MTUS2: variants seen among roughly 807,000 people sequenced by gnomAD.
MTUS2 encodes the protein microtubule-associated tumor suppressor candidate 2.
In MTUS2, 40 loss-of-function variants were observed where a neutral mutation model predicts 114.1. The ratio of observed to expected loss-of-function variants is 0.35; its 90% confidence interval spans 0.27 to 0.46. The LOEUF (loss-of-function observed/expected upper bound fraction) is 0.46. MTUS2 is among the 20% of genes least tolerant of loss of function. The pLI is 1.00. For synonymous variants in MTUS2, 688 were observed against 672.0 expected (o/e 1.02, Z -0.37); for missense variants, 1,679 against 1,705.4 (o/e 0.98, Z 0.27).
In MTUS2 at chr13:29,468,093, T is replaced by G. The variant is rs554105724; in HGVS notation, c.3185-12057T>G. On this transcript the variant is annotated intron_variant, in intron 9 of 15. Coordinates refer to ENST00000612955, the MANE Select transcript of MTUS2 (RefSeq NM_001033602.4). ...ATGATCACACCACTGCACTCCAGCCTTGGTGACAGAGGGAGACCCTGCCTC... is the reference window on the plus strand; with the variant it reads ...ATGATCACACCACTGCACTCCAGCCGTGGTGACAGAGGGAGACCCTGCCTC... 6.6e-5 allele frequency among the ~76,000 whole-genome samples: 10 copies of G among 151,836 alleles called. No individual in the cohort carries two copies. The East Asian group carries it at 2.0e-3, about 30-fold the overall frequency.
rs1033920569 is a variant in MTUS2, at chr13:29,503,590, T to G, written c.*384T>G. ...TTTAGATATACGTATATACACATGC[T>G]GCGGTTCTGAATTTCATTTTTTATA... On this transcript the variant is annotated 3_prime_UTR_variant, in exon 16 of 16. Transcript: ENST00000612955. The G allele has an allele frequency of 2.1e-5, 6 of 280,282 alleles. No individual in the cohort carries two copies. Among genetic ancestry groups the G allele is most frequent in the Non-Finnish European group, 3.4e-5 (5 of 146,718 alleles). The allele number at this position is 280,282 out of a possible 1,614,324, so 17.4% of individuals were successfully genotyped here. A position where few individuals can be genotyped will look rare whatever the true frequency, so the allele number is the denominator to read the frequency against.
rs928534382 is a variant in MTUS2, at chr13:29,498,729, C to T, written c.3798+192C>T. ...ATAAGGAATCTTGGAGGTGGCCTCACCTTGTCCAACTCTGGAGCCTTCCTG... is the reference window on the plus strand; with the variant it reads ...ATAAGGAATCTTGGAGGTGGCCTCATCTTGTCCAACTCTGGAGCCTTCCTG... On this transcript the variant is annotated intron_variant, in intron 14 of 15. Transcript: ENST00000612955. Among the ~76,000 whole-genome samples, 4 of 152,214 alleles carry T rather than the reference C, an allele frequency of 2.6e-5. 1 individual carries two copies. Among genetic ancestry groups the T allele is most frequent in the African/African-American group, 9.6e-5 (4 of 41,456 alleles).
chr13:29,120,192 A>C (rs998895649), intron 5 of MTUS2, among the ~76,000 whole-genome samples: 4 of 152,166 alleles, frequency 2.6e-5, no homozygotes, highest in African/African-American at 9.7e-5. Context: ...TCAAAATCAC[A>C]AATTGATATT....
chr13:29,495,890 C>CTT (rs1214482243), intron 12 of MTUS2, among the ~76,000 whole-genome samples: 1 of 151,756 alleles, frequency 6.6e-6, no homozygotes, highest in Admixed American at 6.6e-5. Context: ...CTTTGTCTCT[C>CTT]TTTTTCTCTC....
intron 2 of MTUS2, among the ~76,000 whole-genome samples, chr13:28,925,417 A>T (rs1038153722): frequency 6.6e-6 from 1 of 152,244 alleles, no homozygotes; most frequent in African/African-American, 2.4e-5. Context: ...TAATCAATTT[A>T]AGTATTTTAA....
At chr13:29,096,613 G>C (rs766908811) in intron 4 of MTUS2, among the ~76,000 whole-genome samples, 6 of 152,156 alleles carry the variant, frequency 3.9e-5, no homozygotes, top group Non-Finnish European at 8.8e-5. Flanking sequence ...TGAGATTGCC[G>C]TTAGGCCCAA....
intron 8 of MTUS2, among the ~76,000 whole-genome samples, chr13:29,396,546 T>A (rs1327407480): frequency 1.3e-5 from 2 of 152,238 alleles, no homozygotes; most frequent in Non-Finnish European, 2.9e-5. Flanking sequence ...GGATTTATTG[T>A]GTAGCTACCA....
At chr13:28,976,136 C>T (rs1176682854) in intron 2 of MTUS2, among the ~76,000 whole-genome samples, 4 of 139,246 alleles carry the variant, frequency 2.9e-5, no homozygotes, top group Admixed American at 1.5e-4. Context: ...CTTGGGAGGT[C>T]GAGGCAGCAG....
chr13:29,422,588 T>A (rs1876194361), intron 8 of MTUS2, among the ~76,000 whole-genome samples: 1 of 152,092 alleles, frequency 6.6e-6, no homozygotes, highest in South Asian at 2.1e-4. Context: ...CAAACTTTTT[T>A]AAATATTGGG....
At chr13:29,233,568 CAATAACAAGCTAAAAT>C (rs2139369388) in intron 5 of MTUS2, among the ~76,000 whole-genome samples, 1 of 152,318 alleles carries the variant, frequency 6.6e-6, no homozygotes, top group South Asian at 2.1e-4. Flanking sequence ...CTGGAGATGC[CAATAACAAGCTAAAAT>C]TCAGAACCTC....
chr13:29,008,701 C>T (rs951553959), intron 2 of MTUS2, among the ~76,000 whole-genome samples: 2 of 152,118 alleles, frequency 1.3e-5, no homozygotes, highest in Non-Finnish European at 2.9e-5. Context: ...TTCAGAAATC[C>T]GTTGCCAGTG....
intron 4 of MTUS2, among the ~76,000 whole-genome samples, chr13:29,046,936 T>G (rs1394389055): frequency 6.6e-6 from 1 of 152,176 alleles, no homozygotes; most frequent in Non-Finnish European, 1.5e-5. Context: ...GGGATTAGTT[T>G]AGATTGTATG....
intron 5 of MTUS2, among the ~76,000 whole-genome samples, chr13:29,231,067 G>C (rs1896304106): frequency 6.6e-6 from 1 of 152,086 alleles, no homozygotes. Context: ...GAATTGCTGT[G>C]GTTCAAGCCC....
chr13:29,260,841 C>T (rs1250297546), intron 5 of MTUS2, among the ~76,000 whole-genome samples: 1 of 152,116 alleles, frequency 6.6e-6, no homozygotes, highest in East Asian at 1.9e-4. Flanking sequence ...ATTGTTACAA[C>T]TTGGGTATGG....
intron 2 of MTUS2, among the ~76,000 whole-genome samples, chr13:28,980,392 G>A (rs971988039): frequency 1.3e-5 from 2 of 152,114 alleles, no homozygotes; most frequent in African/African-American, 4.8e-5. Context: ...CCACCCTTCT[G>A]CCCCACAGGC....
At chr13:29,262,629 T>A (rs1897520608) in intron 5 of MTUS2, among the ~76,000 whole-genome samples, 1 of 151,774 alleles carries the variant, frequency 6.6e-6, no homozygotes, top group Admixed American at 6.6e-5. Flanking sequence ...ACTGAGATGC[T>A]GAGGTCCTCA....
At position 29,026,324 on chromosome 13, in the gene MTUS2, G is replaced by T. The variant is rs1410866807; in HGVS notation, c.1626G>T (p.Val542=). The T allele has an allele frequency of 6.2e-7, 1 of 1,613,968 alleles. No individual in the cohort carries two copies. Among genetic ancestry groups the T allele is most frequent in the South Asian group, 1.1e-5 (1 of 91,082 alleles). Residue 542 remains valine, a synonymous_variant, in exon 3 of 16, where the codon GTG becomes GTT. Coordinates refer to ENST00000612955, the MANE Select transcript of MTUS2 (RefSeq NM_001033602.4). ...IPAPLHPETT[V]NMTYQPTTPS... ...CACCCCTCCACCCAGAGACAACTGTGAACATGACCTACCAGCCTACAACAC... is the reference window on the plus strand; with the variant it reads ...CACCCCTCCACCCAGAGACAACTGTTAACATGACCTACCAGCCTACAACAC...
chr13:29,397,809 T>C (rs1593399241), intron 8 of MTUS2, among the ~76,000 whole-genome samples: 2 of 152,348 alleles, frequency 1.3e-5, no homozygotes, highest in East Asian at 1.9e-4. Context: ...TCTCCACAAG[T>C]ATTCCAAATG....
At chr13:28,946,835 C>T (rs1882558273) in intron 2 of MTUS2, among the ~76,000 whole-genome samples, 2 of 152,128 alleles carry the variant, frequency 1.3e-5, no homozygotes, top group Admixed American at 1.3e-4. Context: ...CAGGTGGAGC[C>T]ACCACACCTG....
Sources: allele counts gnomAD v4.1 joint callset (sites outside exome capture counted in the v4.1 genomes callset), GRCh38; gene constraint gnomAD v4.1.1; transcripts MANE v1.5; gene names NCBI Gene and HGNC (gene_info 2026-07-23, HGNC 2026-07-21).